The following ABCB8 variants were observed in gnomAD, a reference collection of about 807,000 sequenced individuals.
ABCB8 encodes the protein mitochondrial potassium channel ATP-binding subunit.
In ABCB8, 52 loss-of-function variants were observed where a neutral mutation model predicts 73.0. The observed-to-expected ratio is 0.71, with a 90% confidence interval of 0.57 to 0.90. The LOEUF (loss-of-function observed/expected upper bound fraction) is 0.90. ABCB8 is among the 40% of genes least tolerant of loss of function. ABCB8 has a pLI of 0.00. For missense variants in ABCB8, 909 were observed against 974.6 expected (o/e 0.93, Z 0.90); for synonymous variants, 428 against 423.5 (o/e 1.01, Z -0.13).
chr7:151,028,565 G>C lies in ABCB8; in HGVS notation c.50G>C (p.Gly17Ala). ...RVGIRGGPFP[G>A]RLLPPLRFQT... is the part of the protein sequence containing the mutation. ...GGGATTCGGGGTGGCCCATTCCCAG[G>C]CAGGCTGCTACCGCCCCTCCGCTTC... Residue 17 changes from glycine (G) to alanine (A), a missense_variant, in exon 1 of 16, where the codon GGC (glycine) becomes GCC (alanine). Transcript: ENST00000358849. The C allele has an allele frequency of 1.2e-6, 2 of 1,614,026 alleles. No individual in the cohort carries two copies. Among genetic ancestry groups the C allele is most frequent in the Non-Finnish European group, 1.7e-6 (2 of 1,180,026 alleles).
chr7:151,047,462 C>T lies in ABCB8; in HGVS notation c.*2113C>T, dbSNP rs1297510081. 6.6e-6 allele frequency: 1 copy of T among 152,242 alleles called. No homozygotes were observed. Among genetic ancestry groups the T allele is most frequent in the Non-Finnish European group, 1.5e-5 (1 of 68,050 alleles). The allele number at this position is 152,242 out of a possible 1,614,324, so 9.4% of individuals were successfully genotyped here. A position where few individuals can be genotyped will look rare whatever the true frequency, so the allele number is the denominator to read the frequency against. ...CTGTGCTGTAACCATGGTACTCAGT[C>T]CTTCCAAAGTGTTTATTAATCAAGC... is the stretch of plus-strand genomic sequence containing the variant. On this transcript the variant is annotated 3_prime_UTR_variant, in exon 16 of 16. Coordinates refer to ENST00000358849, the MANE Select transcript of ABCB8 (RefSeq NM_007188.5).
At chr7:151,031,238 C>T in intron 1 of ABCB8, 1 of 1,525,922 alleles carries the variant, frequency 6.6e-7, no homozygotes, top group Non-Finnish European at 8.8e-7. Context: ...TCCTGCCTTT[C>T]AGAAACACAT....
Position 151,034,302 on chromosome 7 carries a change from A to G in ABCB8, c.438A>G (p.Val146=). 1 of 1,613,610 alleles carries G rather than the reference A, an allele frequency of 6.2e-7. No individual in the cohort carries two copies. Among genetic ancestry groups the G allele is most frequent in the Non-Finnish European group, 8.5e-7 (1 of 1,179,956 alleles). Residue 146 remains valine (V), a synonymous_variant, in exon 3 of 16, where the codon GTA becomes GTG. Transcript: ENST00000358849. ...CCTTGGGTGCGGCACTCGTGAATGT[A>G]CAGATCCCCCTGCTCCTGGGCCAGC... The part of the protein sequence containing the change: ...VLALGAALVN[V]QIPLLLGQLV...
chr7:151,039,595 A>T (rs1796401786), intron 9 of ABCB8: 1 of 152,316 alleles, frequency 6.6e-6, no homozygotes, highest in Non-Finnish European at 1.5e-5. Flanking sequence ...CTAGACAGAT[A>T]ACACTGTGGG....
chr7:151,038,811 A>T (rs1023935841), intron 9 of ABCB8: 1 of 152,190 alleles, frequency 6.6e-6, no homozygotes, highest in Non-Finnish European at 1.5e-5. Flanking sequence ...AGGTCCTTCT[A>T]GCGCTGCCTA....
intron 9 of ABCB8, chr7:151,039,925 T>C (rs555691175): frequency 3.8e-6 from 1 of 265,898 alleles, no homozygotes; most frequent in Non-Finnish European, 7.2e-6. Flanking sequence ...CACCGCTGCA[T>C]GTGTGCACAG....
chr7:151,028,794 C>T, intron 1 of ABCB8, 184 bp downstream of exon 1: 1 of 1,547,188 alleles, frequency 6.5e-7, no homozygotes, highest in Non-Finnish European at 8.7e-7. Context: ...ACTCCAGTCG[C>T]CAGCAGGAGG....
chr7:151,030,754 A>G (rs1253663919), intron 1 of ABCB8, among the ~76,000 whole-genome samples: 1 of 152,156 alleles, frequency 6.6e-6, no homozygotes, highest in African/African-American at 2.4e-5. Flanking sequence ...AGCCTAGCCA[A>G]CATGGTGAAG....
intron 9 of ABCB8, chr7:151,038,650 C>G (rs953242440): frequency 1.3e-5 from 2 of 151,926 alleles, no homozygotes; most frequent in Non-Finnish European, 2.9e-5. Context: ...ACCCCCACTT[C>G]CCCTTTAGGG....
intron 1 of ABCB8, chr7:151,031,408 C>T (rs1796158965): frequency 2.9e-6 from 4 of 1,358,870 alleles, no homozygotes; most frequent in Non-Finnish European, 2.9e-6. Flanking sequence ...CACAGGCCTT[C>T]CTGAAAGCAG....
In ABCB8 at chr7:151,036,601, CAG is replaced by C. The variant is rs570558146; in HGVS notation, c.1170_1171del (p.Gly392ArgfsTer38). 4.8e-5 allele frequency: 77 copies of C among 1,613,556 alleles called. No individual in the cohort carries two copies. The highest frequency in any genetic ancestry group is 1.3e-4 in the East Asian group (6 of 44,880). On this transcript the variant is annotated frameshift_variant, in exon 9 of 16. Transcript: ENST00000358849. LOFTEE classifies it high-confidence loss of function. ...TCCCTTGTGGCCGGACAGCAGCTGA[CAG>C]GGGGAGACCTCATGTCCTTCCTGGT...
chr7:151,029,439 C>G (rs1796083148), intron 1 of ABCB8: 1 of 152,218 alleles, frequency 6.6e-6, no homozygotes, highest in South Asian at 2.0e-4. Flanking sequence ...AACTACAACT[C>G]GAATGTAAAT....
chr7:151,034,902 C>A lies in ABCB8; in HGVS notation c.765+73C>A, dbSNP rs1391202362. ...TGTGGATTCACCAGGCCAGCCCTGC[C>A]CGCCCCAGCCCTGATGTTGGGCTGA... On this transcript the variant is annotated intron_variant, in intron 5 of 15. Coordinates refer to ENST00000358849, the MANE Select transcript of ABCB8 (RefSeq NM_007188.5). The A allele has an allele frequency of 1.1e-5, 15 of 1,358,116 alleles. No homozygotes were observed. In the East Asian group the frequency reaches 3.3e-4, roughly 30 times the overall value. 84.1% of individuals were successfully genotyped at this position (1,358,116 alleles called of 1,614,324 possible).
In ABCB8 at chr7:151,034,025, C is replaced by G. The variant is rs1796236630; in HGVS notation, c.408+108C>G. ...CTCAGGGGAGAGCTCAGGGGAGCAG[C>G]AAGGGCTAGCCAGGGGTCCAGGGGT... is the stretch of plus-strand genomic sequence containing the variant. On this transcript the variant is annotated intron_variant, in intron 2 of 15. Coordinates refer to ENST00000358849, the MANE Select transcript of ABCB8 (RefSeq NM_007188.5). The G allele has an allele frequency of 5.8e-6, 8 of 1,373,570 alleles. No homozygotes were observed. The East Asian group carries it at 1.7e-4, about 30-fold the overall frequency. 85.1% of individuals were successfully genotyped at this position (1,373,570 alleles called of 1,614,324 possible).
chr7:151,033,885 C>T lies in ABCB8; in HGVS notation c.376C>T (p.Pro126Ser), dbSNP rs376144765. ...NWKLFWQFLHPHLLVLGVAVV... is the reference protein window; with the variant it reads ...NWKLFWQFLHSHLLVLGVAVV... ...GAAGCTCTTCTGGCAGTTTCTGCAC[C>T]CCCACCTGCTGGTCCTGGGGGTAGC... The change falls in exon 2 of 16, where the codon CCC becomes TCC. Residue 126 changes from proline to serine, a missense_variant. Coordinates refer to ENST00000358849, the MANE Select transcript of ABCB8 (RefSeq NM_007188.5). 1.1e-5 allele frequency: 18 copies of T among 1,608,136 alleles called. No homozygotes were observed. The African/African-American group carries it at 2.3e-4, about 20-fold the overall frequency.
At position 151,041,135 on chromosome 7, in the gene ABCB8, A is replaced by G; in HGVS notation, c.1520A>G (p.Tyr507Cys). ...TTVASLLERFYDPTAGVVMLD... is the reference protein window; with the variant it reads ...TTVASLLERFCDPTAGVVMLD... ...GTGGCTTCCCTGCTGGAGCGCTTCT[A>G]CGACCCCACGGCAGGCGTGGTGATG... is the stretch of plus-strand genomic sequence containing the variant. The change falls in exon 13 of 16, where the codon TAC becomes TGC. Residue 507 changes from tyrosine to cysteine, a missense_variant. Coordinates refer to ENST00000358849, the MANE Select transcript of ABCB8 (RefSeq NM_007188.5). The G allele has an allele frequency of 1.2e-6, 2 of 1,613,092 alleles. No homozygotes were observed. Among genetic ancestry groups the G allele is most frequent in the South Asian group, 1.1e-5 (1 of 91,080 alleles).
intron 1 of ABCB8, 46 bp from the exon 2 acceptor site, chr7:151,033,559 A>G (rs1279408745): frequency 6.6e-7 from 1 of 1,517,566 alleles, no homozygotes; most frequent in East Asian, 2.3e-5. Flanking sequence ...GGTCAGCAGG[A>G]GGGCAGTCGG....
intron 5 of ABCB8, among the ~76,000 whole-genome samples, chr7:151,035,252 A>G (rs892898565): frequency 5.3e-5 from 8 of 152,148 alleles, no homozygotes; most frequent in African/African-American, 1.9e-4. Context: ...CATGCCACAC[A>G]CTGGCCTAGG....
At chr7:151,035,376 G>A (rs2303925) in intron 5 of ABCB8, among the ~76,000 whole-genome samples, 33,900 of 152,044 alleles carry the variant, frequency 0.22, 4,158 homozygotes, top group Admixed American at 0.36. Context: ...ATTCTCGCTC[G>A]GCCCCCTCAG....
Sources: allele counts gnomAD v4.1 joint callset (sites outside exome capture counted in the v4.1 genomes callset), GRCh38; gene constraint gnomAD v4.1.1; transcripts MANE v1.5; gene names NCBI Gene and HGNC (gene_info 2026-07-23, HGNC 2026-07-21).